Variants in PLCXD1 observed in about 807,000 individuals in gnomAD.
PLCXD1 encodes PI-PLC X domain-containing protein 1.
Under a neutral mutation model 37.8 loss-of-function variants are expected in PLCXD1, and 45 were observed. The observed-to-expected ratio is 1.19, with a 90% CI of 0.94 to 1.53. PLCXD1 has a LOEUF of 1.53. Among genes scored for constraint, PLCXD1 ranks in the 40% most tolerant of loss-of-function variants. The pLI is 0.00. For missense variants in PLCXD1, 539 were observed against 454.7 expected (o/e 1.19, Z -1.69); for synonymous variants, 246 against 206.9 (o/e 1.19, Z -1.62).
At chrX:294,323 A>C (rs892103698) in intron 6 of PLCXD1, among the ~76,000 whole-genome samples, 1 of 152,012 alleles carries the variant, frequency 6.6e-6, no homozygotes, top group Non-Finnish European at 1.5e-5. Context: ...TCTACTAAAA[A>C]TACAAAAAAT....
chrX:288,857 G>A lies in PLCXD1; in HGVS notation c.252G>A (p.Trp84Ter), dbSNP rs2069539494. The A allele has an allele frequency of 1.9e-6, 3 of 1,612,612 alleles. No individual in the cohort carries two copies. Among genetic ancestry groups the A allele is most frequent in the Admixed American group, 1.7e-5 (1 of 60,000 alleles). Reference protein sequence around the residue: ...PCITRPVVLKWSVTQALDVTE... With the variant: ...PCITRPVVLK ...TCACGCGCCCTGTCGTGCTGAAATG[G>A]TCCGTCACCCAGGTACGGTCTGTGC... Residue 84 changes from tryptophan to a stop codon, truncating the protein, a stop_gained, in exon 3 of 7, where the codon TGG (tryptophan) becomes TGA (stop). Coordinates refer to ENST00000381657, the MANE Select transcript of PLCXD1 (RefSeq NM_018390.4). LOFTEE classifies it high-confidence loss of function.
intron 6 of PLCXD1, among the ~76,000 whole-genome samples, chrX:293,535 A>G (rs943618883): frequency 1.3e-5 from 2 of 151,790 alleles, no homozygotes; most frequent in Non-Finnish European, 2.9e-5. Flanking sequence ...TGAGGCGGGC[A>G]GATCACCTGA....
chrX:292,133 C>T (rs1382282273), intron 5 of PLCXD1, among the ~76,000 whole-genome samples: 4 of 150,828 alleles, frequency 2.7e-5, no homozygotes, highest in African/African-American at 4.9e-5. Flanking sequence ...AACCCCGTCT[C>T]TACTAAAAAT....
At chrX:282,051 C>G (rs1371196744) in intron 1 of PLCXD1, among the ~76,000 whole-genome samples, 1 of 152,094 alleles carries the variant, frequency 6.6e-6, no homozygotes, top group East Asian at 1.9e-4. Context: ...CCCGGCCCCT[C>G]CAGGTCTCAT....
chrX:285,281 T>G (rs2069412204), intron 2 of PLCXD1, among the ~76,000 whole-genome samples: 1 of 152,034 alleles, frequency 6.6e-6, no homozygotes, highest in South Asian at 2.1e-4. Context: ...CATAGGCTCA[T>G]ACACACATGG....
chrX:280,331 G>C (rs759996272), upstream of PLCXD1, among the ~76,000 whole-genome samples: 3,199 of 78,996 alleles, frequency 0.04, 86 homozygotes, highest in Non-Finnish European at 0.043. Context: ...GCCGTGCAGG[G>C]GGAGGGGAGG....
Position 291,532 on chromosome X carries a change from C to T in PLCXD1, c.427C>T (p.Arg143Trp), listed in dbSNP as rs767418687. ...TLTEISEWLE[R>W]HPREVVILAC... ...CACGGAAATCTCGGAGTGGCTGGAG[C>T]GGCATCCACGCGAGGTGGTCATCCT... The change falls in exon 5 of 7, where the codon CGG (arginine) becomes TGG (tryptophan). Residue 143 changes from arginine to tryptophan, a missense_variant. Arg to Trp is a moderately radical substitution (Grantham distance 101, BLOSUM62 -3). Coordinates refer to ENST00000381657, the MANE Select transcript of PLCXD1 (RefSeq NM_018390.4). The T allele has an allele frequency of 1.6e-5, 26 of 1,612,448 alleles. No homozygotes were observed. Among genetic ancestry groups the T allele is most frequent in the East Asian group, 6.7e-5 (3 of 44,866 alleles).
chrX:278,694 G>T (rs1407042978), upstream of PLCXD1, among the ~76,000 whole-genome samples: 1 of 138,162 alleles, frequency 7.2e-6, no homozygotes, highest in Non-Finnish European at 1.5e-5. Flanking sequence ...AGCCGAGATT[G>T]CACCACTGCA....
At chrX:288,473 G>A (rs1384961219) in intron 2 of PLCXD1, among the ~76,000 whole-genome samples, 3 of 152,126 alleles carry the variant, frequency 2.0e-5, no homozygotes, top group Non-Finnish European at 4.4e-5. Context: ...ACCTGTCACT[G>A]GATTTGGGGG....
At chrX:289,598 G>A (rs1221215671) in intron 3 of PLCXD1, among the ~76,000 whole-genome samples, 6 of 145,524 alleles carry the variant, frequency 4.1e-5, no homozygotes, top group African/African-American at 1.0e-4. Flanking sequence ...TGCAAGCTCC[G>A]CCTCCCGGGT....
At chrX:295,544 G>A (rs1049867168) in intron 6 of PLCXD1, among the ~76,000 whole-genome samples, 25 of 144,484 alleles carry the variant, frequency 1.7e-4, no homozygotes, top group East Asian at 3.9e-4. Flanking sequence ...TTTTTTTTGA[G>A]GTGGAGTCTC....
At chrX:293,490 T>G (rs1303085427) in intron 6 of PLCXD1, among the ~76,000 whole-genome samples, 1 of 151,720 alleles carries the variant, frequency 6.6e-6, no homozygotes, top group Admixed American at 6.6e-5. Context: ...CCGGGCGCAG[T>G]GGTTCATGCC....
In PLCXD1 at chrX:299,695, T is replaced by C. The variant is rs1052206829; in HGVS notation, c.*360T>C. 1.1e-5 allele frequency: 4 copies of C among 369,762 alleles called. No individual in the cohort carries two copies. Among genetic ancestry groups the C allele is most frequent in the African/African-American group, 8.3e-5 (4 of 48,116 alleles). 22.9% of individuals were successfully genotyped at this position (369,762 alleles called of 1,614,324 possible). On this transcript the variant is annotated 3_prime_UTR_variant, in exon 7 of 7. Transcript: ENST00000381657. ...CTGCTTGAAGCCGGGAGATGGAGGT[T>C]GCATTGAGCTGACATCGTGCCACTG...
upstream of PLCXD1, among the ~76,000 whole-genome samples, chrX:279,748 T>A (rs1465921419): frequency 6.7e-6 from 1 of 149,034 alleles, no homozygotes; most frequent in Admixed American, 6.7e-5. Flanking sequence ...CACACCAGTC[T>A]GCGCAACAGA....
intron 2 of PLCXD1, among the ~76,000 whole-genome samples, chrX:285,728 CACAT>C (rs1208815179): frequency 1.1e-4 from 17 of 149,352 alleles, no homozygotes; most frequent in East Asian, 1.9e-4. Context: ...CATGCACACT[CACAT>C]ATAGGCATAC....
At chrX:298,936 C>T (rs1224900701) in intron 6 of PLCXD1, among the ~76,000 whole-genome samples, 161 bp from the exon 7 acceptor site, 5 of 152,104 alleles carry the variant, frequency 3.3e-5, no homozygotes, top group Non-Finnish European at 4.4e-5. Context: ...GTCTACTGCC[C>T]ACCACGCTTT....
At chrX:288,235 C>T (rs1476237444) in intron 2 of PLCXD1, among the ~76,000 whole-genome samples, 1 of 152,020 alleles carries the variant, frequency 6.6e-6, no homozygotes, top group East Asian at 1.9e-4. Flanking sequence ...AGGTTCTGGG[C>T]AGGGGGTTAG....
chrX:292,170 G>A (rs1376138904), intron 5 of PLCXD1, among the ~76,000 whole-genome samples: 1 of 141,542 alleles, frequency 7.1e-6, no homozygotes, highest in African/African-American at 2.7e-5. Flanking sequence ...TGTGGCGGTG[G>A]GTGTGCCGGA....
At chrX:284,140 A>G in intron 1 of PLCXD1, 27 bp from the exon 2 acceptor site, 1 of 1,603,354 alleles carries the variant, frequency 6.2e-7, no homozygotes, top group Non-Finnish European at 8.5e-7. Context: ...ACCGTAAAAA[A>G]CCTCTTTTCC....
Sources: gnomAD v4.1 joint callset for allele counts (sites outside exome capture counted in the v4.1 genomes callset) on GRCh38, gnomAD v4.1.1 for gene constraint, MANE v1.5 for transcripts, NCBI Gene and HGNC (gene_info 2026-07-23, HGNC 2026-07-21) for gene names.